Variants in IKBKE observed in about 807,000 individuals in gnomAD.
The protein encoded by IKBKE is inhibitor of nuclear factor kappa B kinase subunit epsilon.
In IKBKE, 45 loss-of-function variants were observed where a neutral mutation model predicts 92.1. The ratio of observed to expected loss-of-function variants is 0.49; its 90% CI spans 0.38 to 0.63. The LOEUF (loss-of-function observed/expected upper bound fraction) is 0.63, where lower values mean the gene tolerates loss of function less well. IKBKE is among the 20% of genes least tolerant of loss of function. The probability of loss-of-function intolerance (pLI) is 0.00; values close to 1 mark genes in which losing one functional copy is unlikely to be tolerated. For missense variants in IKBKE, 700 were observed against 932.8 expected (o/e 0.75, Z 3.25); for synonymous variants, 374 against 380.3 (o/e 0.98, Z 0.19).
At chr1:206,484,907 A>G in intron 13 of IKBKE, 90 bp from the exon 14 acceptor site, 1 of 1,031,314 alleles carries the variant, frequency 9.7e-7, no homozygotes, top group Non-Finnish European at 1.5e-6. Context: ...CACAGATGCT[A>G]TGCCCAGCAT....
At position 206,485,067 on chromosome 1, in the gene IKBKE, C is replaced by A. The variant is rs781938435; in HGVS notation, c.1498C>A (p.Arg500=). ...GGCTGCAGAACTGAGGTCCAGGCTG[C>A]GGACTGTGAGTGAGGCTGGAGGGCA... is the stretch of plus-strand genomic sequence containing the variant. ...KAAAELRSRL[R]TLAEVLSRCS... is the part of the protein sequence containing the mutation. Residue 500 remains arginine, a synonymous_variant, in exon 14 of 22, where the codon CGG becomes AGG. Coordinates refer to ENST00000581977, the MANE Select transcript of IKBKE (RefSeq NM_014002.4). The surrounding 1 kb of genome is among the most constrained non-coding windows in gnomAD (Gnocchi z 5.0). 16 of 1,613,482 alleles carry A rather than the reference C, an allele frequency of 9.9e-6. No individual in the cohort carries two copies. Among genetic ancestry groups the A allele is most frequent in the Admixed American group, 1.7e-5 (1 of 60,030 alleles).
Position 206,476,783 on chromosome 1 carries a change from A to G in IKBKE, c.646A>G (p.Thr216Ala). 2 of 1,614,232 alleles carry G rather than the reference A, an allele frequency of 1.2e-6. No individual in the cohort carries two copies. Among genetic ancestry groups the G allele is most frequent in the Non-Finnish European group, 1.7e-6 (2 of 1,180,032 alleles). The change falls in exon 7 of 22, where the codon ACT becomes GCT. Residue 216 changes from threonine (T) to alanine (A), a missense_variant. Thr to Ala is a moderately conservative substitution (Grantham distance 58). Transcript: ENST00000581977. The surrounding 1 kb of genome is among the most constrained non-coding windows in gnomAD (Gnocchi z 5.1). ...TGGAGTGACCTTGTACCATGCAGCC[A>G]CTGGCAGCCTGCCCTTCATCCCCTT... The part of the protein sequence containing the change: ...SIGVTLYHAA[T>A]GSLPFIPFGG...
chr1:206,483,465 T>C (rs1665504054), intron 13 of IKBKE, among the ~76,000 whole-genome samples: 1 of 152,182 alleles, frequency 6.6e-6, no homozygotes. Flanking sequence ...AACACGTTGC[T>C]AGGCACGAGA....
At chr1:206,492,609 C>T (rs1553390762) in intron 18 of IKBKE, 1 of 474,322 alleles carries the variant, frequency 2.1e-6, no homozygotes, top group Admixed American at 2.3e-5. Flanking sequence ...GAAAATGTTC[C>T]TGTTCCTTCA....
chr1:206,475,151 C>A, intron 5 of IKBKE, 157 bp downstream of exon 5: 1 of 768,600 alleles, frequency 1.3e-6, no homozygotes, highest in Non-Finnish European at 2.0e-6. Context: ...ATGTTCACAG[C>A]AGCATTATTT....
Position 206,493,059 on chromosome 1 carries a change from T to C in IKBKE, c.1872T>C (p.Val624=), listed in dbSNP as rs1553391040. Residue 624 remains valine (V), a synonymous_variant, in exon 19 of 22, where the codon GTT becomes GTC. Transcript: ENST00000581977. ...VHETRNHLRL[V]GCSVAACNTE... ...AGACCAGGAACCACCTGCGCCTGGT[T>C]GGCTGTTCTGTGGCTGCCTGTAACA... The C allele has an allele frequency of 1.3e-6, 2 of 1,587,132 alleles. No individual in the cohort carries two copies. The highest frequency in any genetic ancestry group is 1.3e-5 in the African/African-American group (1 of 74,482).
In IKBKE at chr1:206,485,135, G is replaced by T. The variant is rs1169168344; in HGVS notation, c.1504-59G>T. ...GAGCTGGGGGCCCGTGTTCCAGCCA[G>T]CCTGCCCACCAGTGCCCAGGCTGAA... On this transcript the variant is annotated intron_variant, in intron 14 of 21. Coordinates refer to ENST00000581977, the MANE Select transcript of IKBKE (RefSeq NM_014002.4). The surrounding 1 kb of genome is among the most constrained non-coding windows in gnomAD (Gnocchi z 5.0). The T allele has an allele frequency of 1.0e-5, 16 of 1,588,904 alleles. No individual in the cohort carries two copies. The highest frequency in any genetic ancestry group is 1.4e-5 in the Non-Finnish European group (16 of 1,157,202).
intron 20 of IKBKE, 62 bp from the exon 21 acceptor site, chr1:206,493,857 GA>G (rs2103486418): frequency 2.9e-6 from 4 of 1,381,514 alleles, no homozygotes; most frequent in Non-Finnish European, 3.1e-6. Context: ...GGCCTCCCAG[GA>G]AAAGGGTCTG....
At chr1:206,474,041 G>A (rs1229413606) in intron 3 of IKBKE, among the ~76,000 whole-genome samples, 2 of 151,886 alleles carry the variant, frequency 1.3e-5, no homozygotes, top group African/African-American at 2.4e-5. Context: ...ACCCCAGGGA[G>A]TGTTAGCTGC....
chr1:206,482,824 T>C (rs781963599), intron 13 of IKBKE, among the ~76,000 whole-genome samples: 4 of 152,228 alleles, frequency 2.6e-5, no homozygotes, highest in Non-Finnish European at 4.4e-5. Flanking sequence ...GACCTGTAGA[T>C]TCTCCTAAGG....
At chr1:206,492,531 T>C (rs1666003554) in intron 18 of IKBKE, 1 of 471,336 alleles carries the variant, frequency 2.1e-6, no homozygotes, top group Admixed American at 2.3e-5. Flanking sequence ...GTACAGCTTC[T>C]CCAGGTGATT....
Position 206,493,078 on chromosome 1 carries a change from T to A in IKBKE, c.1891T>A (p.Cys631Ser), listed in dbSNP as rs2103485146. Residue 631 changes from cysteine (C) to serine (S), a missense_variant, in exon 19 of 22, where the codon TGT becomes AGT. Coordinates refer to ENST00000581977, the MANE Select transcript of IKBKE (RefSeq NM_014002.4). ...LRLVGCSVAA[C>S]NTEAQGVQES... ...CCTGGTTGGCTGTTCTGTGGCTGCC[T>A]GTAACACAGAAGCCCAGGGGGTCCA... 1 of 1,591,580 alleles carries A rather than the reference T, an allele frequency of 6.3e-7. No individual in the cohort carries two copies. Among genetic ancestry groups the A allele is most frequent in the Non-Finnish European group, 8.6e-7 (1 of 1,169,478 alleles).
chr1:206,495,574 A>G (rs1371861903), intron 21 of IKBKE, among the ~76,000 whole-genome samples: 2 of 152,128 alleles, frequency 1.3e-5, no homozygotes, highest in Non-Finnish European at 2.9e-5. Flanking sequence ...CCAGCAAGAG[A>G]ACTCATCCTC....
At chr1:206,471,077 G>A (rs995955154) in intron 1 of IKBKE, 79 bp from the exon 2 acceptor site, 1 of 152,374 alleles carries the variant, frequency 6.6e-6, no homozygotes, top group African/African-American at 2.4e-5. Context: ...AAAGGGCTAG[G>A]GCCGGCGGCC....
rs781972292 is a variant in IKBKE at position 206,478,926 on chromosome 1, A to G, written c.993-17A>G. 1.2e-6 allele frequency: 2 copies of G among 1,612,928 alleles called. No homozygotes were observed. Among genetic ancestry groups the G allele is most frequent in the Admixed American group, 3.3e-5 (2 of 59,968 alleles). On this transcript the variant is annotated splice_polypyrimidine_tract_variant and intron_variant, in intron 9 of 21. Transcript: ENST00000581977. The surrounding 1 kb of genome is among the most constrained non-coding windows in gnomAD (Gnocchi z 4.8). Reference sequence around the variant, plus strand: ...TGACACCCCCTGCCCTCTGCTCCCCACCACGGCTGTGTCTAGGATAGCCAT... The same window carrying G: ...TGACACCCCCTGCCCTCTGCTCCCCGCCACGGCTGTGTCTAGGATAGCCAT...
At chr1:206,474,532 T>C in intron 4 of IKBKE, 61 bp downstream of exon 4, 1 of 1,475,234 alleles carries the variant, frequency 6.8e-7, no homozygotes, top group Non-Finnish European at 9.2e-7. Flanking sequence ...CTGGGGAGAA[T>C]CAGGCCACAT....
chr1:206,475,589 T>C (rs1402766769), intron 5 of IKBKE, among the ~76,000 whole-genome samples: 2 of 151,882 alleles, frequency 1.3e-5, no homozygotes, highest in African/African-American at 4.8e-5. Flanking sequence ...ATACAAAAAT[T>C]AGCTGGGTGT....
rs782375968 is a variant in IKBKE, at chr1:206,493,047, C to T, written c.1860C>T (p.His620=). 2.5e-6 allele frequency: 4 copies of T among 1,580,028 alleles called. No individual in the cohort carries two copies. Among genetic ancestry groups the T allele is most frequent in the Non-Finnish European group, 3.4e-6 (4 of 1,162,448 alleles). The change falls in exon 19 of 22, where the codon CAC becomes CAT. Residue 620 remains histidine (H), a synonymous_variant. Coordinates refer to ENST00000581977, the MANE Select transcript of IKBKE (RefSeq NM_014002.4). The part of the protein sequence containing the change: ...RMRVVHETRN[H]LRLVGCSVAA... ...GGGTGGTGCACGAGACCAGGAACCACCTGCGCCTGGTTGGCTGTTCTGTGG... is the reference window on the plus strand; with the variant it reads ...GGGTGGTGCACGAGACCAGGAACCATCTGCGCCTGGTTGGCTGTTCTGTGG...
chr1:206,491,221 ACACT>A (rs1202704110), intron 17 of IKBKE: 22 of 391,986 alleles, frequency 5.6e-5, no homozygotes, highest in Non-Finnish European at 9.9e-5. Context: ...TTTCCCGGAC[ACACT>A]CACGTCCAGG....
Sources: allele counts gnomAD v4.1 joint callset (sites outside exome capture counted in the v4.1 genomes callset), GRCh38; gene constraint gnomAD v4.1.1; non-coding constraint Gnocchi (gnomAD v3.1); transcripts MANE v1.5; gene names NCBI Gene and HGNC (gene_info 2026-07-23, HGNC 2026-07-21).